The following VTI1A variants were observed in gnomAD, a reference collection of about 807,000 sequenced individuals.
VTI1A encodes vesicle transport through interaction with t-SNAREs 1A.
VTI1A carries 22 observed loss-of-function variants against 34.9 expected under a neutral mutation model. The observed-to-expected ratio is 0.63, with a 90% confidence interval of 0.45 to 0.90. The LOEUF (loss-of-function observed/expected upper bound fraction) is 0.90, where lower values mean the gene tolerates loss of function less well. VTI1A is among the 40% of genes least tolerant of loss of function. The pLI is 0.00. For synonymous variants in VTI1A, 87 were observed against 97.3 expected (o/e 0.89, Z 0.62); for missense variants, 268 against 275.6 (o/e 0.97, Z 0.20).
chr10:112,782,665 C>T lies in VTI1A; in HGVS notation c.561-32625C>T, dbSNP rs1169802706. On this transcript the variant is annotated intron_variant, in intron 7 of 7. Transcript: ENST00000393077. ...ATTACATTTGGTCTACCTAAACTCC[C>T]TGCAGACTTCTCATCGGACACAGCA... Among the ~76,000 whole-genome samples the T allele has an allele frequency of 2.0e-5, 3 of 152,196 alleles. No homozygotes were observed. In the East Asian group the frequency reaches 5.8e-4, roughly 29 times the overall value.
chr10:112,833,988 C>T, the VTI1A span, among the ~76,000 whole-genome samples: 5 of 152,328 alleles, frequency 3.3e-5, no homozygotes, highest in South Asian at 4.1e-4. Context: ...GGACCACAAG[C>T]CAGACTGCTG....
intron 3 of VTI1A, among the ~76,000 whole-genome samples, chr10:112,472,480 G>A (rs1848125037): frequency 6.6e-6 from 1 of 151,876 alleles, no homozygotes; most frequent in Non-Finnish European, 1.5e-5. Flanking sequence ...CTTTTCATAG[G>A]TGAATGGACA....
chr10:112,665,508 A>G (rs1590045070), intron 5 of VTI1A, among the ~76,000 whole-genome samples: 1 of 152,178 alleles, frequency 6.6e-6, no homozygotes, highest in African/African-American at 2.4e-5. Flanking sequence ...GCTCTTGCCA[A>G]TATCTCTTCT....
intron 5 of VTI1A, among the ~76,000 whole-genome samples, chr10:112,553,985 A>G (rs1267244191): frequency 1.3e-5 from 2 of 152,172 alleles, no homozygotes; most frequent in Non-Finnish European, 2.9e-5. Flanking sequence ...AAGTGAAAGG[A>G]TAGATGACTT....
At chr10:112,504,543 C>T (rs1031128374) in intron 3 of VTI1A, among the ~76,000 whole-genome samples, 1 of 151,762 alleles carries the variant, frequency 6.6e-6, no homozygotes, top group Non-Finnish European at 1.5e-5. Flanking sequence ...ATGGATGTAC[C>T]AAATTTATTT....
intron 3 of VTI1A, among the ~76,000 whole-genome samples, chr10:112,486,840 G>A (rs924901063): frequency 1.3e-5 from 2 of 151,342 alleles, no homozygotes; most frequent in African/African-American, 4.9e-5. Flanking sequence ...TGACTTTATG[G>A]CCAATCCCTA....
At chr10:112,743,399 C>T (rs1233003219) in intron 7 of VTI1A, among the ~76,000 whole-genome samples, 2 of 152,194 alleles carry the variant, frequency 1.3e-5, no homozygotes, top group Non-Finnish European at 2.9e-5. Context: ...TGGAGGTACT[C>T]GTAACAAAAG....
chr10:112,493,717 G>A (rs1018567365), intron 3 of VTI1A, among the ~76,000 whole-genome samples: 2 of 152,096 alleles, frequency 1.3e-5, no homozygotes, highest in Non-Finnish European at 2.9e-5. Flanking sequence ...TCATTCTGTT[G>A]AGATGGTCAT....
chr10:112,489,221 A>T lies in VTI1A; in HGVS notation c.264+24564A>T, dbSNP rs2134119436. On this transcript the variant is annotated intron_variant, in intron 3 of 7. Coordinates refer to ENST00000393077, the MANE Select transcript of VTI1A (RefSeq NM_145206.4). ...CATACGTTGAGAACTACTCGAGTGG[A>T]TGATCCCTGAGATCTCTTCCAGCTC... Among the ~76,000 whole-genome samples, 2 of 152,310 alleles carry T rather than the reference A, an allele frequency of 1.3e-5. 1 individual carries two copies. The highest frequency in any genetic ancestry group is 4.1e-4 in the South Asian group (2 of 4,824).
the VTI1A span, among the ~76,000 whole-genome samples, chr10:112,842,822 A>G: frequency 5.3e-5 from 8 of 151,964 alleles, no homozygotes; most frequent in Non-Finnish European, 1.2e-4. Context: ...TAAGGTGTTA[A>G]TGGAACTGTA....
intron 1 of VTI1A, among the ~76,000 whole-genome samples, chr10:112,454,114 G>C (rs1353071497): frequency 6.6e-6 from 1 of 152,112 alleles, no homozygotes; most frequent in Non-Finnish European, 1.5e-5. Flanking sequence ...AAAATTATCT[G>C]TTCCTCTCTT....
chr10:112,723,266 GA>G, intron 7 of VTI1A, among the ~76,000 whole-genome samples: 1 of 152,262 alleles, frequency 6.6e-6, no homozygotes, highest in Admixed American at 6.5e-5. Flanking sequence ...GGAACCTATA[GA>G]AAAAGTGCTC....
chr10:112,851,249 C>G, the VTI1A span, among the ~76,000 whole-genome samples: 1 of 152,206 alleles, frequency 6.6e-6, no homozygotes, highest in African/African-American at 2.4e-5. Context: ...GGGCCACATG[C>G]ATTCCTTTTC....
intron 5 of VTI1A, among the ~76,000 whole-genome samples, chr10:112,623,966 T>C (rs1473731492): frequency 6.6e-6 from 1 of 152,184 alleles, no homozygotes; most frequent in African/African-American, 2.4e-5. Flanking sequence ...AGCAGATCTA[T>C]TTGCAAGGGC....
At chr10:112,717,626 C>T (rs773519945) in intron 7 of VTI1A, among the ~76,000 whole-genome samples, 5 of 152,104 alleles carry the variant, frequency 3.3e-5, no homozygotes, top group Non-Finnish European at 7.4e-5. Context: ...ACTTGGCAGC[C>T]CAGGGCACCT....
At chr10:112,603,846 A>G (rs796656150) in intron 5 of VTI1A, among the ~76,000 whole-genome samples, 39 of 152,112 alleles carry the variant, frequency 2.6e-4, no homozygotes, top group African/African-American at 9.4e-4. Context: ...CCTGTAAAGG[A>G]GAAGAGCAGT....
At chr10:112,723,468 G>A (rs1849886809) in intron 7 of VTI1A, among the ~76,000 whole-genome samples, 1 of 152,160 alleles carries the variant, frequency 6.6e-6, no homozygotes, top group Admixed American at 6.5e-5. Context: ...TTAAGATCAG[G>A]CCATAGCTCT....
chr10:112,466,549 T>G (rs1217831247), intron 3 of VTI1A, among the ~76,000 whole-genome samples: 1 of 152,206 alleles, frequency 6.6e-6, no homozygotes, highest in African/African-American at 2.4e-5. Context: ...AGTAAAAATA[T>G]GAAATATAGT....
At chr10:112,798,172 T>C (rs1375732008) in intron 7 of VTI1A, among the ~76,000 whole-genome samples, 1 of 152,170 alleles carries the variant, frequency 6.6e-6, no homozygotes, top group East Asian at 1.9e-4. Flanking sequence ...AGCAATGCTG[T>C]GCAGGTGGGA....
Sources: allele counts gnomAD v4.1 joint callset (sites outside exome capture counted in the v4.1 genomes callset), GRCh38; gene constraint gnomAD v4.1.1; transcripts MANE v1.5; gene names NCBI Gene and HGNC (gene_info 2026-07-23, HGNC 2026-07-21).